Variants in NBAS observed in about 807,000 individuals in gnomAD.
NBAS encodes the protein NBAS subunit of NRZ tethering complex.
Under a neutral mutation model 302.5 loss-of-function variants are expected in NBAS, and 219 were observed. That is an observed-to-expected ratio of 0.72 (90% CI 0.65 to 0.81). The LOEUF is 0.81. Ranked by LOEUF, NBAS falls within the 30% of genes least tolerant of loss-of-function variation. NBAS has a pLI of 0.00. For synonymous variants in NBAS, 1,118 were observed against 1,021.6 expected (o/e 1.09, Z -1.80); for missense variants, 2,932 against 2,841.6 (o/e 1.03, Z -0.72).
chr2:15,513,585 A>T (rs1662242259), intron 9 of NBAS, among the ~76,000 whole-genome samples: 1 of 152,124 alleles, frequency 6.6e-6, no homozygotes, highest in Non-Finnish European at 1.5e-5. Context: ...ACAGTGAGAA[A>T]ATACAAAATA....
chr2:15,369,083 A>T (rs1674360876), intron 31 of NBAS, among the ~76,000 whole-genome samples: 1 of 152,190 alleles, frequency 6.6e-6, no homozygotes, highest in Non-Finnish European at 1.5e-5. Flanking sequence ...TCAGTAACAT[A>T]TGATAATTGT....
At chr2:15,250,885 T>C (rs1572527752) in intron 44 of NBAS, among the ~76,000 whole-genome samples, 1 of 152,188 alleles carries the variant, frequency 6.6e-6, no homozygotes, top group Non-Finnish European at 1.5e-5. Flanking sequence ...TTCGACCATG[T>C]GGAAAACAGT....
chr2:15,539,197 G>A lies in NBAS; in HGVS notation c.513+26C>T, dbSNP rs375506418. 1.4e-5 allele frequency: 22 copies of A among 1,613,642 alleles called. No homozygotes were observed. In the African/African-American group the frequency reaches 2.1e-4, roughly 16 times the overall value. Reference sequence around the variant, plus strand: ...ACATACATGACATTGAAAAAACTATGTTTTCAATTTAAGCTATGTACATAC... The same window carrying A: ...ACATACATGACATTGAAAAAACTATATTTTCAATTTAAGCTATGTACATAC... On this transcript the variant is annotated intron_variant, in intron 7 of 51. Coordinates refer to ENST00000281513, the MANE Select transcript of NBAS (RefSeq NM_015909.4).
the NBAS span, among the ~76,000 whole-genome samples, chr2:14,906,562 G>A: frequency 6.6e-5 from 10 of 152,118 alleles, no homozygotes; most frequent in Non-Finnish European, 1.2e-4. Context: ...TACCCAGGCC[G>A]CCTTGCTCTG....
Position 15,218,770 on chromosome 2 carries a change from T to C in NBAS, c.6432+3A>G. 6.2e-7 allele frequency: 1 copy of C among 1,614,216 alleles called. No individual in the cohort carries two copies. Among genetic ancestry groups the C allele is most frequent in the Non-Finnish European group, 8.5e-7 (1 of 1,180,010 alleles). Reference sequence around the variant, plus strand: ...AAAAATAATCATTCAGACACTCCCTTACCTGTCTCTGGGGCCAGGAGGCTT... The same window carrying C: ...AAAAATAATCATTCAGACACTCCCTCACCTGTCTCTGGGGCCAGGAGGCTT... On this transcript the variant is annotated splice_donor_region_variant and intron_variant, in intron 48 of 51. Transcript: ENST00000281513.
intron 28 of NBAS, among the ~76,000 whole-genome samples, chr2:15,392,022 CA>C (rs148135728): frequency 2.7e-5 from 4 of 149,368 alleles, no homozygotes; most frequent in African/African-American, 4.9e-5. Context: ...CTAGCACTAC[CA>C]AAAAAAAAAT....
chr2:15,381,601 T>C (rs907356193), intron 29 of NBAS, among the ~76,000 whole-genome samples: 4 of 152,180 alleles, frequency 2.6e-5, no homozygotes, highest in African/African-American at 9.7e-5. Context: ...GAAACAGGAA[T>C]GTATCAAAAT....
chr2:15,458,229 A>T (rs1292461538), intron 21 of NBAS, among the ~76,000 whole-genome samples: 1 of 152,226 alleles, frequency 6.6e-6, no homozygotes, highest in Non-Finnish European at 1.5e-5. Flanking sequence ...AGAAAGAATT[A>T]TGAGTATAGG....
chr2:15,491,715 G>A lies in NBAS; in HGVS notation c.955-2693C>T, dbSNP rs560539548. Among the ~76,000 whole-genome samples, 17 of 150,760 alleles carry A rather than the reference G, an allele frequency of 1.1e-4. No homozygotes were observed. In the East Asian group the frequency reaches 2.3e-3, roughly 21 times the overall value. ...CGTGCCACTGCACTCCAGCCTGGGC[G>A]ACAGAGTGAGACTCCATCTCAAAAA... is the stretch of plus-strand genomic sequence containing the variant. On this transcript the variant is annotated intron_variant, in intron 11 of 51. Transcript: ENST00000281513.
the NBAS span, among the ~76,000 whole-genome samples, chr2:14,814,914 C>T: frequency 6.6e-6 from 1 of 152,130 alleles, no homozygotes; most frequent in South Asian, 2.1e-4. Context: ...AACTGTTTAG[C>T]ACCATCCCCC....
At chr2:14,869,718 G>A in the NBAS span, among the ~76,000 whole-genome samples, 1 of 152,002 alleles carries the variant, frequency 6.6e-6, no homozygotes, top group Non-Finnish European at 1.5e-5. Flanking sequence ...TGGTTTCCAC[G>A]TCCCTCTTGG....
At chr2:14,955,195 C>A in the NBAS span, among the ~76,000 whole-genome samples, 37 of 152,308 alleles carry the variant, frequency 2.4e-4, no homozygotes, top group Admixed American at 2.2e-3. Flanking sequence ...AGTCATTAAA[C>A]CTTAAAGTTC....
At chr2:15,078,507 G>C in the NBAS span, among the ~76,000 whole-genome samples, 1 of 152,168 alleles carries the variant, frequency 6.6e-6, no homozygotes, top group Non-Finnish European at 1.5e-5. Flanking sequence ...GAAAGGAAGC[G>C]CTTCCATTTG....
chr2:15,157,138 C>T, the NBAS span, among the ~76,000 whole-genome samples: 1 of 152,250 alleles, frequency 6.6e-6, no homozygotes, highest in Admixed American at 6.5e-5. Context: ...CCAAGGAAAT[C>T]GCTTCAAAGG....
At chr2:14,925,475 A>G in the NBAS span, among the ~76,000 whole-genome samples, 1 of 152,192 alleles carries the variant, frequency 6.6e-6, no homozygotes, top group Non-Finnish European at 1.5e-5. Flanking sequence ...TTTATTTGTT[A>G]ACCCATAAAA....
the NBAS span, among the ~76,000 whole-genome samples, chr2:15,082,491 C>G: frequency 6.6e-6 from 1 of 152,192 alleles, no homozygotes; most frequent in East Asian, 1.9e-4. Context: ...TTCACTCTCT[C>G]TGGGCCTTTA....
chr2:15,187,629 A>C (rs7605540), intron 49 of NBAS, among the ~76,000 whole-genome samples: 43,255 of 152,064 alleles, frequency 0.28, 7,540 homozygotes, highest in East Asian at 0.68. Context: ...AGAAACATCA[A>C]AATTTCCATT....
At chr2:15,020,117 C>T in the NBAS span, among the ~76,000 whole-genome samples, 1 of 152,170 alleles carries the variant, frequency 6.6e-6, no homozygotes, top group Non-Finnish European at 1.5e-5. Context: ...CAAGTCTATA[C>T]TCCTTTTCAC....
chr2:15,552,238 CA>C (rs1482277124), intron 5 of NBAS, among the ~76,000 whole-genome samples: 2 of 152,140 alleles, frequency 1.3e-5, no homozygotes, highest in African/African-American at 4.8e-5. Flanking sequence ...GGTATGGTCT[CA>C]TTTATAAAGG....
Sources: gnomAD v4.1 joint callset for allele counts (sites outside exome capture counted in the v4.1 genomes callset) on GRCh38, gnomAD v4.1.1 for gene constraint, MANE v1.5 for transcripts, NCBI Gene and HGNC (gene_info 2026-07-23, HGNC 2026-07-21) for gene names.